Variants in LCLAT1 observed in about 807,000 individuals in gnomAD.
The protein encoded by LCLAT1 is lysocardiolipin acyltransferase 1, also known as 1-AGP acyltransferase 8.
In LCLAT1, 11 loss-of-function variants were observed where a neutral mutation model predicts 30.7. The ratio of observed to expected loss-of-function variants is 0.36; its 90% CI spans 0.23 to 0.59. LCLAT1 has a LOEUF of 0.59. LCLAT1 is among the 20% of genes least tolerant of loss of function. The pLI is 0.77. For synonymous variants in LCLAT1, 155 were observed against 151.3 expected (o/e 1.02, Z -0.18); for missense variants, 402 against 458.6 (o/e 0.88, Z 1.13).
intron 5 of LCLAT1, among the ~76,000 whole-genome samples, chr2:30,623,667 T>C (rs1327013545): frequency 3.3e-5 from 5 of 151,852 alleles, no homozygotes; most frequent in Non-Finnish European, 5.9e-5. Flanking sequence ...GGAAGGGAAA[T>C]CTAAAAGTTT....
intron 3 of LCLAT1, among the ~76,000 whole-genome samples, chr2:30,537,154 G>A (rs2148403126): frequency 6.6e-6 from 1 of 152,288 alleles, no homozygotes; most frequent in East Asian, 1.9e-4. Context: ...GGCCAAGGCG[G>A]GTGGATCATG....
At chr2:30,534,785 C>T (rs1246414768) in intron 3 of LCLAT1, among the ~76,000 whole-genome samples, 1 of 152,098 alleles carries the variant, frequency 6.6e-6, no homozygotes, top group Admixed American at 6.5e-5. Context: ...TTGGTGGAAG[C>T]AGTTACCATC....
rs1409746727 is a variant in LCLAT1, at chr2:30,562,282, T to C, written c.501T>C (p.Thr167=). 1 of 1,608,268 alleles carries C rather than the reference T, an allele frequency of 6.2e-7. No individual in the cohort carries two copies. The highest frequency in any genetic ancestry group is 1.3e-5 in the African/African-American group (1 of 74,954). ...PLQLLIFPEG[T]DLTENSKSRS... ...AACTCCTCATATTCCCAGAAGGGAC[T>C]GATCTCACAGGTAATGTAGCCTGGG... is the stretch of plus-strand genomic sequence containing the variant. The change falls in exon 4 of 6, where the codon ACT becomes ACC. Residue 167 remains threonine, a synonymous_variant. Transcript: ENST00000379509.
At chr2:30,590,534 T>TA (rs1184106902) in intron 5 of LCLAT1, among the ~76,000 whole-genome samples, 42 of 145,908 alleles carry the variant, frequency 2.9e-4, no homozygotes, top group Middle Eastern at 3.6e-3. Flanking sequence ...ATATATATAT[T>TA]ATATGTATAT....
At chr2:30,537,521 T>TACACACAC (rs58394759) in intron 3 of LCLAT1, among the ~76,000 whole-genome samples, 1,660 of 149,172 alleles carry the variant, frequency 0.011, 13 homozygotes, top group African/African-American at 0.029. Flanking sequence ...CAATTGTAAA[T>TACACACAC]ACACACACAC....
intron 3 of LCLAT1, among the ~76,000 whole-genome samples, chr2:30,543,012 A>G (rs1664221669): frequency 6.8e-6 from 1 of 147,492 alleles, no homozygotes; most frequent in African/African-American, 2.5e-5. Context: ...TGTTAAGTAG[A>G]AGTGTTGAGG....
chr2:30,479,197 A>G (rs1344668890), intron 1 of LCLAT1, among the ~76,000 whole-genome samples: 1 of 152,096 alleles, frequency 6.6e-6, no homozygotes, highest in Non-Finnish European at 1.5e-5. Context: ...AGCCAGATGC[A>G]GTAGAGTATA....
chr2:30,640,723 A>G lies in LCLAT1; in HGVS notation c.*104A>G, dbSNP rs1669262044. 2.3e-6 allele frequency: 3 copies of G among 1,299,060 alleles called. No individual in the cohort carries two copies. Among genetic ancestry groups the G allele is most frequent in the Non-Finnish European group, 3.2e-6 (3 of 952,014 alleles). The allele number at this position is 1,299,060 out of a possible 1,614,324, so 80.5% of individuals were successfully genotyped here. On this transcript the variant is annotated 3_prime_UTR_variant, in exon 6 of 6. Coordinates refer to ENST00000379509, the MANE Select transcript of LCLAT1 (RefSeq NM_001002257.3). ...TGCATGACTATGTCGAATATTTCTT[A>G]CTGCCATCATTATTTGTTAAAGATA...
intron 1 of LCLAT1, among the ~76,000 whole-genome samples, chr2:30,504,463 G>A (rs1406408616): frequency 6.6e-6 from 1 of 152,084 alleles, no homozygotes; most frequent in Non-Finnish European, 1.5e-5. Context: ...TGTAGTTTTA[G>A]TTTACTAAAT....
intron 5 of LCLAT1, among the ~76,000 whole-genome samples, chr2:30,569,946 G>A (rs995042810): frequency 4.6e-5 from 7 of 152,062 alleles, no homozygotes; most frequent in East Asian, 1.9e-4. Context: ...GGAGAGGCAC[G>A]AAGACATTCA....
chr2:30,585,936 T>C (rs1357251132), intron 5 of LCLAT1, among the ~76,000 whole-genome samples: 1 of 152,088 alleles, frequency 6.6e-6, no homozygotes, highest in African/African-American at 2.4e-5. Flanking sequence ...TGTAACAAAT[T>C]ATCATAAACT....
chr2:30,509,420 T>C (rs1421487525), intron 1 of LCLAT1, among the ~76,000 whole-genome samples: 1 of 152,186 alleles, frequency 6.6e-6, no homozygotes, highest in Admixed American at 6.5e-5. Flanking sequence ...ATGGTTCTTA[T>C]TATTTTGAGG....
At chr2:30,452,473 A>T (rs1375378882) in intron 1 of LCLAT1, among the ~76,000 whole-genome samples, 1 of 152,158 alleles carries the variant, frequency 6.6e-6, no homozygotes, top group African/African-American at 2.4e-5. Context: ...GCTGTTTTAC[A>T]ATTTGGTCAC....
intron 5 of LCLAT1, among the ~76,000 whole-genome samples, chr2:30,585,667 T>C (rs577106578): frequency 9.8e-5 from 15 of 152,292 alleles, no homozygotes; most frequent in African/African-American, 3.4e-4. Flanking sequence ...TAATCATCCT[T>C]CTGTGTTCAT....
chr2:30,641,894 T>C lies in LCLAT1; in HGVS notation c.*1275T>C, dbSNP rs1669326210. On this transcript the variant is annotated 3_prime_UTR_variant, in exon 6 of 6. Coordinates refer to ENST00000379509, the MANE Select transcript of LCLAT1 (RefSeq NM_001002257.3). ...CTCTGTTGGAGCTGCACACTTTTTT[T>C]TCTTTTTTTTTTTCTTTTTTTTTTT... 1 of 99,578 alleles carries C rather than the reference T, an allele frequency of 1.0e-5. No homozygotes were observed. Among genetic ancestry groups the C allele is most frequent in the Admixed American group, 1.4e-4 (1 of 7,330 alleles). The allele number at this position is 99,578 out of a possible 1,614,324, so 6.2% of individuals were successfully genotyped here.
At chr2:30,618,195 G>A (rs1382700916) in intron 5 of LCLAT1, among the ~76,000 whole-genome samples, 2 of 152,104 alleles carry the variant, frequency 1.3e-5, no homozygotes, top group Non-Finnish European at 2.9e-5. Context: ...GAAATGAGCA[G>A]CTAATGCCAA....
chr2:30,538,706 A>G (rs1427514143), intron 3 of LCLAT1, among the ~76,000 whole-genome samples: 1 of 149,940 alleles, frequency 6.7e-6, no homozygotes, highest in Non-Finnish European at 1.5e-5. Flanking sequence ...AGATATTACA[A>G]CTGATACCAC....
At chr2:30,508,913 T>C (rs772183446) in intron 1 of LCLAT1, among the ~76,000 whole-genome samples, 79 of 152,242 alleles carry the variant, frequency 5.2e-4, no homozygotes, top group Non-Finnish European at 5.9e-4. Flanking sequence ...GAAATGTTTT[T>C]CCATTTGTTT....
rs535441929 is a variant in LCLAT1 at position 30,491,343 on chromosome 2, T to C, written c.-4-34244T>C. On this transcript the variant is annotated intron_variant, in intron 1 of 5. Coordinates refer to ENST00000379509, the MANE Select transcript of LCLAT1 (RefSeq NM_001002257.3). The stretch of plus-strand genomic sequence containing the variant: ...ATATACCAGCCACTCTTCTAAGCAC[T>C]TTACATATATTAACTCAATACTTAT... 1.4e-4 allele frequency among the ~76,000 whole-genome samples: 22 copies of C among 152,358 alleles called. 1 individual carries two copies. The East Asian group carries it at 3.9e-3, about 27-fold the overall frequency.
Sources: gnomAD v4.1 joint callset for allele counts (sites outside exome capture counted in the v4.1 genomes callset) on GRCh38, gnomAD v4.1.1 for gene constraint, MANE v1.5 for transcripts, NCBI Gene and HGNC (gene_info 2026-07-23, HGNC 2026-07-21) for gene names.